MTHFSD: variants seen among roughly 807,000 people sequenced by gnomAD.
The protein encoded by MTHFSD is methenyltetrahydrofolate synthase domain-containing protein.
MTHFSD carries 37 observed loss-of-function variants against 31.1 expected under a neutral mutation model. The ratio of observed to expected loss-of-function variants is 1.19; its 90% CI spans 0.91 to 1.56. MTHFSD has a LOEUF of 1.56. Ranked by LOEUF, MTHFSD falls within the 40% of genes most tolerant of loss-of-function variation. The pLI is 0.00. For synonymous variants in MTHFSD, 221 were observed against 206.9 expected, an observed-to-expected ratio of 1.07 and a Z score of -0.59; for missense variants, 664 against 510.1, an observed-to-expected ratio of 1.30 and a Z score of -2.91.
rs778086208 is a variant in MTHFSD at position 86,548,546 on chromosome 16, C to A, written c.269G>T (p.Arg90Leu). 1 of 1,612,648 alleles carries A rather than the reference C, an allele frequency of 6.2e-7. No individual in the cohort carries two copies. The change falls in exon 4 of 8, where the codon CGA becomes CTA. Residue 90 changes from arginine to leucine, a missense_variant. By Grantham distance (102) the Arg-to-Leu change is moderately radical (BLOSUM62 -2). Transcript: ENST00000360900. ...SKKTLLVPTP[R>L]LRTGLFNKIT... ...CTTATTAAACAATCCCGTTCTCAGTCGTGGTGTTGGAACCAACAATGTTTT... is the reference window on the plus strand; with the variant it reads ...CTTATTAAACAATCCCGTTCTCAGTAGTGGTGTTGGAACCAACAATGTTTT...
intron 5 of MTHFSD, among the ~76,000 whole-genome samples, chr16:86,543,497 A>T (rs1971819235): frequency 1.3e-5 from 2 of 152,110 alleles, no homozygotes; most frequent in South Asian, 4.1e-4. Context: ...ATAACTCATA[A>T]CGTATGCATC....
chr16:86,551,913 G>A (rs1028686613), intron 3 of MTHFSD, 120 bp downstream of exon 3: 2 of 1,508,622 alleles, frequency 1.3e-6, no homozygotes, highest in Non-Finnish European at 8.8e-7. Flanking sequence ...TTCTGTATTG[G>A]AGGGAATCGG....
chr16:86,532,253 G>T lies in MTHFSD; in HGVS notation c.910C>A (p.Leu304Ile), dbSNP rs1269909958. ...PGSPPGEGAP[L>I]AADVYVGNLP... ...TTCCCAACGTAAACATCGGCTGCAA[G>T]CGGGGCACCCTCCCCTGGTGGGGAG... Residue 304 changes from leucine (L) to isoleucine (I), a missense_variant, in exon 8 of 8, where the codon CTT becomes ATT. Leu to Ile is a conservative substitution (Grantham distance 5). Transcript: ENST00000360900. 6.4e-7 allele frequency: 1 copy of T among 1,570,158 alleles called. No individual in the cohort carries two copies. Among genetic ancestry groups the T allele is most frequent in the Admixed American group, 1.9e-5 (1 of 53,790 alleles).
chr16:86,534,414 A>C (rs1037734724), intron 7 of MTHFSD, among the ~76,000 whole-genome samples: 1 of 152,154 alleles, frequency 6.6e-6, no homozygotes, highest in Non-Finnish European at 1.5e-5. Context: ...TTCTGCCGCA[A>C]AACCCCAAGT....
intron 3 of MTHFSD, 118 bp from the exon 4 acceptor site, chr16:86,548,695 T>G (rs1460452965): frequency 1.3e-6 from 1 of 776,238 alleles, no homozygotes; most frequent in African/African-American, 1.8e-5. Context: ...CATGGTTTTT[T>G]TTGGTGTGTG....
chr16:86,541,037 C>T, intron 7 of MTHFSD: 1 of 1,198,648 alleles, frequency 8.3e-7, no homozygotes, highest in Non-Finnish European at 1.1e-6. Context: ...GAGACGTGGA[C>T]ACGTATGCTT....
intron 4 of MTHFSD, chr16:86,548,241 T>C (rs1176657236): frequency 1.0e-6 from 1 of 988,766 alleles, no homozygotes; most frequent in Non-Finnish European, 1.4e-6. Context: ...AATTTGCCAA[T>C]TTCGTGCAAA....
chr16:86,532,290 C>G lies in MTHFSD; in HGVS notation c.873G>C (p.Glu291Asp). ...DTPGPETNSM[E>D]AAPGSPPGEG... ...CCCCTGGTGGGGAGCCAGGGGCTGC[C>G]TCCATGGAATTGGTTTCTGGTCCGG... is the stretch of plus-strand genomic sequence containing the variant. Residue 291 changes from glutamate to aspartate, a missense_variant, in exon 8 of 8, where the codon GAG becomes GAC. Transcript: ENST00000360900. The G allele has an allele frequency of 3.8e-6, 6 of 1,574,766 alleles. No individual in the cohort carries two copies. Among genetic ancestry groups the G allele is most frequent in the Non-Finnish European group, 5.2e-6 (6 of 1,163,042 alleles).
At position 86,532,314 on chromosome 16, in the gene MTHFSD, G is replaced by T. The variant is rs374171063; in HGVS notation, c.849C>A (p.Pro283=). ...LSVGRRPPDT[P]GPETNSMEAA... ...CCTCCATGGAATTGGTTTCTGGTCC[G>T]GGTGTGTCCGGGGGCCTCCTGCCAA... Residue 283 remains proline, a synonymous_variant, in exon 8 of 8, where the codon CCC becomes CCA. Coordinates refer to ENST00000360900, the MANE Select transcript of MTHFSD (RefSeq NM_001159377.2). 3.8e-6 allele frequency: 6 copies of T among 1,592,538 alleles called. No homozygotes were observed. The South Asian group carries it at 5.7e-5, about 15-fold the overall frequency.
At chr16:86,536,036 G>A (rs1276602354) in intron 7 of MTHFSD, among the ~76,000 whole-genome samples, 2 of 152,196 alleles carry the variant, frequency 1.3e-5, no homozygotes, top group African/African-American at 4.8e-5. Flanking sequence ...TGTATTTTCA[G>A]TAAAGACGGG....
Position 86,553,885 on chromosome 16 carries a change from C to T in MTHFSD, c.123+760G>A, listed in dbSNP as rs189042391. ...GGATTGTAAACACACCAATCAGCAC[C>T]CTGTGTCTAGCTCAGAGTTTGTGAA... is the stretch of plus-strand genomic sequence containing the variant. On this transcript the variant is annotated intron_variant, in intron 2 of 7. Transcript: ENST00000360900. Among the ~76,000 whole-genome samples, 4 of 152,284 alleles carry T rather than the reference C, an allele frequency of 2.6e-5. No individual in the cohort carries two copies. In the East Asian group the frequency reaches 7.7e-4, roughly 29 times the overall value.
chr16:86,550,982 C>T (rs1340818704), intron 3 of MTHFSD, among the ~76,000 whole-genome samples: 1 of 152,176 alleles, frequency 6.6e-6, no homozygotes, highest in African/African-American at 2.4e-5. Context: ...CGCATGGCAG[C>T]GTTAAGGCAG....
Position 86,552,216 on chromosome 16 carries a change from T to A in MTHFSD, c.124-70A>T, listed in dbSNP as rs530087092. ...GAAGCGAGCACTTTTCTGGGGGGCATCAGGATTTACTTTAATGGTCCTGGC... is the reference window on the plus strand; with the variant it reads ...GAAGCGAGCACTTTTCTGGGGGGCAACAGGATTTACTTTAATGGTCCTGGC... On this transcript the variant is annotated intron_variant, in intron 2 of 7. Transcript: ENST00000360900. The A allele has an allele frequency of 7.5e-5, 121 of 1,613,644 alleles. 1 individual carries two copies. The South Asian group carries it at 7.6e-4, about 10-fold the overall frequency.
intron 4 of MTHFSD, chr16:86,547,277 A>G (rs2143756813): frequency 4.1e-6 from 4 of 985,698 alleles, no homozygotes; most frequent in Non-Finnish European, 4.8e-6. Flanking sequence ...TAATGCAGGC[A>G]TGCATATAAA....
chr16:86,545,880 G>A (rs530265846), intron 5 of MTHFSD, among the ~76,000 whole-genome samples: 4 of 152,352 alleles, frequency 2.6e-5, no homozygotes, highest in African/African-American at 7.2e-5. Flanking sequence ...CAGAAACTGG[G>A]AATGCACTGA....
At chr16:86,551,767 A>G (rs1285523555) in intron 3 of MTHFSD, among the ~76,000 whole-genome samples, 1 of 152,188 alleles carries the variant, frequency 6.6e-6, no homozygotes, top group Non-Finnish European at 1.5e-5. Context: ...TCCTGTGCCA[A>G]CTGGGCCTGG....
At chr16:86,550,170 C>T (rs1972934942) in intron 3 of MTHFSD, among the ~76,000 whole-genome samples, 2 of 152,252 alleles carry the variant, frequency 1.3e-5, no homozygotes, top group South Asian at 4.1e-4. Context: ...TCTTTACCTG[C>T]ATCCCAGCTG....
chr16:86,542,474 G>GAT lies in MTHFSD; in HGVS notation c.443-262_443-261insAT. The GAT allele has an allele frequency of 2.4e-6, 1 of 420,898 alleles. No individual in the cohort carries two copies. Among genetic ancestry groups the GAT allele is most frequent in the Non-Finnish European group, 4.2e-6 (1 of 236,022 alleles). 26.1% of individuals were successfully genotyped at this position (420,898 alleles called of 1,614,324 possible). A position where few individuals can be genotyped will look rare whatever the true frequency, so the allele number is the denominator to read the frequency against. On this transcript the variant is annotated intron_variant, in intron 5 of 7. Transcript: ENST00000360900. This position sits in a 1 kb window ranked among gnomAD's most constrained non-coding sequence, Gnocchi z 4.6. The stretch of plus-strand genomic sequence containing the variant: ...CGTGAACACTGGACCGTTCAAGCAT[G>GAT]TCACAAAGGGAAACAGATCACACTC...
rs750065159 is a variant in MTHFSD at position 86,548,574 on chromosome 16, T to C, written c.241A>G (p.Lys81Glu). 1.2e-6 allele frequency: 2 copies of C among 1,607,858 alleles called. No homozygotes were observed. Among genetic ancestry groups the C allele is most frequent in the African/African-American group, 2.7e-5 (2 of 74,798 alleles). The change falls in exon 4 of 8, where the codon AAA becomes GAA. Residue 81 changes from lysine (K) to glutamate (E), a missense_variant. Lys to Glu is a moderately conservative substitution (Grantham distance 56). Coordinates refer to ENST00000360900, the MANE Select transcript of MTHFSD (RefSeq NM_001159377.2). ...GGTGTTGGAACCAACAATGTTTTTT[T>C]GCTCTTTTAAAGAAAAGACAATCAA... ...EGVRLLVLQS[K>E]KTLLVPTPRL...
Sources: gnomAD v4.1 joint callset for allele counts (sites outside exome capture counted in the v4.1 genomes callset) on GRCh38, gnomAD v4.1.1 for gene constraint, Gnocchi (gnomAD v3.1) non-coding constraint, MANE v1.5 for transcripts, NCBI Gene and HGNC (gene_info 2026-07-23, HGNC 2026-07-21) for gene names.